The following TBCD variants were observed in gnomAD, a reference collection of about 807,000 sequenced individuals.
TBCD encodes tubulin-specific chaperone D.
In TBCD, 105 loss-of-function variants were observed where a neutral mutation model predicts 169.3. The ratio of observed to expected loss-of-function variants is 0.62; its 90% CI spans 0.53 to 0.73. The LOEUF (loss-of-function observed/expected upper bound fraction) is 0.73, where lower values mean the gene tolerates loss of function less well. TBCD is among the 30% of genes least tolerant of loss of function. The pLI is 0.00. For synonymous variants in TBCD, 700 were observed against 643.9 expected, an observed-to-expected ratio of 1.09 and a Z score of -1.32; for missense variants, 1,444 against 1,600.1, an observed-to-expected ratio of 0.90 and a Z score of 1.66.
At chr17:82,860,567 A>C in intron 13 of TBCD, 1 of 518,964 alleles carries the variant, frequency 1.9e-6, no homozygotes, top group Non-Finnish European at 2.5e-6. Flanking sequence ...GAACCTGAGG[A>C]GGGCTGGCCA....
At position 82,831,585 on chromosome 17, in the gene TBCD, CG is replaced by C. The variant is rs1567853247; in HGVS notation, c.1318+16653del. The C allele has an allele frequency of 6.2e-7, 1 of 1,614,056 alleles. No homozygotes were observed. Among genetic ancestry groups the C allele is most frequent in the Non-Finnish European group, 8.5e-7 (1 of 1,180,006 alleles). On this transcript the variant is annotated intron_variant, in intron 13 of 38. Transcript: ENST00000355528. This position sits in a 1 kb window ranked among gnomAD's most constrained non-coding sequence, Gnocchi z 4.6. ...GAGATGGAGCCAGGTGCTTAGGGAT[CG>C]GCCCCGGGTGAGGCAGGAAGTGTCT...
Position 82,926,472 on chromosome 17 carries a change from G to T in TBCD, c.2452G>T (p.Gly818Cys), listed in dbSNP as rs199984036. Residue 818 changes from glycine (G) to cysteine (C), a missense_variant, in exon 28 of 39, where the codon GGC becomes TGC. Coordinates refer to ENST00000355528, the MANE Select transcript of TBCD (RefSeq NM_005993.5). ...DVSFAESRRD[G>C]LKAIARICQT... Reference sequence around the variant, plus strand: ...AAGTTTTGCTGAGTCCAGGAGAGACGGCTTGAAGGCCATTGCGAGGTGAGT... The same window carrying T: ...AAGTTTTGCTGAGTCCAGGAGAGACTGCTTGAAGGCCATTGCGAGGTGAGT... 1 of 1,613,922 alleles carries T rather than the reference G, an allele frequency of 6.2e-7. No homozygotes were observed. Among genetic ancestry groups the T allele is most frequent in the Non-Finnish European group, 8.5e-7 (1 of 1,179,856 alleles).
Position 82,926,403 on chromosome 17 carries a change from C to G in TBCD, c.2383C>G (p.Leu795Val), listed in dbSNP as rs763230182. The part of the protein sequence containing the change: ...FLLKGRLQQV[L>V]TGLRAVTHTS... ...GTGATTCTTTATTGCTTTCCAGGTT[C>G]TCACAGGTTTAAGAGCAGTTACCCA... The change falls in exon 28 of 39, where the codon CTC becomes GTC. Residue 795 changes from leucine (L) to valine (V), a missense_variant. Coordinates refer to ENST00000355528, the MANE Select transcript of TBCD (RefSeq NM_005993.5). The G allele has an allele frequency of 6.2e-7, 1 of 1,613,872 alleles. No homozygotes were observed. The highest frequency in any genetic ancestry group is 2.2e-5 in the East Asian group (1 of 44,884).
chr17:82,874,921 C>G lies in TBCD; in HGVS notation c.1475+4541C>G, dbSNP rs889138689. Reference sequence around the variant, plus strand: ...ACAAGTTCTTCGGTGGGTCCTGTAACAGTGGGTGCTTGGGATCAGAGCATC... The same window carrying G: ...ACAAGTTCTTCGGTGGGTCCTGTAAGAGTGGGTGCTTGGGATCAGAGCATC... On this transcript the variant is annotated intron_variant, in intron 14 of 38. Coordinates refer to ENST00000355528, the MANE Select transcript of TBCD (RefSeq NM_005993.5). The surrounding 1 kb of genome is among the most constrained non-coding windows in gnomAD (Gnocchi z 5.0). Among the ~76,000 whole-genome samples the G allele has an allele frequency of 6.6e-6, 1 of 152,208 alleles. No homozygotes were observed. Among genetic ancestry groups the G allele is most frequent in the African/African-American group, 2.4e-5 (1 of 41,456 alleles).
rs564871737 is a variant in TBCD, at chr17:82,921,488, G to T, written c.2102-13G>T. ...TTTGATTGCCTGGGTACGCTAACTT[G>T]ATTTTTTGACAGATGGTTGGCAATG... On this transcript the variant is annotated splice_polypyrimidine_tract_variant and intron_variant, in intron 24 of 38. Transcript: ENST00000355528. 5.6e-6 allele frequency: 9 copies of T among 1,613,588 alleles called. No homozygotes were observed. The highest frequency in any genetic ancestry group is 5.9e-6 in the Non-Finnish European group (7 of 1,179,622).
Position 82,756,999 on chromosome 17 carries a change from TTTTC to T in TBCD, c.235+788_235+791del, listed in dbSNP as rs1334029737. ...GTGTAAGGGGTGTGGTTTCTTATTG[TTTTC>T]TTTATTTTTGATGTATTTCACACTG... On this transcript the variant is annotated intron_variant, in intron 2 of 38. Transcript: ENST00000355528. 5.3e-5 allele frequency among the ~76,000 whole-genome samples: 8 copies of T among 152,172 alleles called. 1 individual carries two copies. The South Asian group carries it at 6.2e-4, about 12-fold the overall frequency.
At chr17:82,773,083 G>C (rs1021185781) in intron 6 of TBCD, among the ~76,000 whole-genome samples, 4 of 152,332 alleles carry the variant, frequency 2.6e-5, no homozygotes, top group African/African-American at 9.6e-5. Flanking sequence ...TATTTTACAT[G>C]ACATGTGATT....
At position 82,917,354 on chromosome 17, in the gene TBCD, G is replaced by T. The variant is rs1326652781; in HGVS notation, c.2039-3202G>T. Among the ~76,000 whole-genome samples the T allele has an allele frequency of 2.0e-5, 3 of 152,118 alleles. No individual in the cohort carries two copies. The East Asian group carries it at 5.8e-4, about 29-fold the overall frequency. On this transcript the variant is annotated intron_variant, in intron 23 of 38. Coordinates refer to ENST00000355528, the MANE Select transcript of TBCD (RefSeq NM_005993.5). ...AAATTCTTTCAGGTGTGCCTTATCTGCCGTTAAACGCATCCTTGAATTTTT... is the reference window on the plus strand; with the variant it reads ...AAATTCTTTCAGGTGTGCCTTATCTTCCGTTAAACGCATCCTTGAATTTTT...
Position 82,938,044 on chromosome 17 carries a change from G to C in TBCD, c.3282-5G>C, listed in dbSNP as rs372010263. ...TCACCTGGAGCCATGTGCTGCTCCC[G>C]GCAGGTTCTGCGAGATGGTGCAGTT... On this transcript the variant is annotated splice_polypyrimidine_tract_variant and splice_region_variant and intron_variant, in intron 35 of 38. Transcript: ENST00000355528. 1 of 1,612,812 alleles carries C rather than the reference G, an allele frequency of 6.2e-7. No homozygotes were observed. The highest frequency in any genetic ancestry group is 1.1e-5 in the South Asian group (1 of 91,064).
chr17:82,881,944 C>T (rs566022807), intron 14 of TBCD, among the ~76,000 whole-genome samples: 1 of 152,128 alleles, frequency 6.6e-6, no homozygotes, highest in East Asian at 1.9e-4. Context: ...CTCCCTCCCT[C>T]CTAGGCAGAG....
rs2146946856 is a variant in TBCD at position 82,911,751 on chromosome 17, T to C, written c.2007-7T>C. ...CTTCTAATTCTGATGTTTTCATTCC[T>C]TTTCAGGGGTCTGGGAGGACAGCTC... On this transcript the variant is annotated splice_region_variant and splice_polypyrimidine_tract_variant and intron_variant, in intron 22 of 38. Transcript: ENST00000355528. 6 of 1,613,744 alleles carry C rather than the reference T, an allele frequency of 3.7e-6. No individual in the cohort carries two copies. The highest frequency in any genetic ancestry group is 5.1e-6 in the Non-Finnish European group (6 of 1,179,750).
At chr17:82,931,921 ACT>A (rs1304116684) in intron 33 of TBCD, 3 of 151,880 alleles carry the variant, frequency 2.0e-5, no homozygotes, top group Non-Finnish European at 2.9e-5. Context: ...GTCTGAGGTC[ACT>A]CTCACTGGCG....
rs71168175 is a variant in TBCD, at chr17:82,940,221, G to GCA, written c.3479+769_3479+770dup. Among the ~76,000 whole-genome samples, 866 of 131,776 alleles carry GCA rather than the reference G, an allele frequency of 6.6e-3. 1 individual carries two copies. The highest frequency in any genetic ancestry group is 0.013 in the South Asian group (54 of 4,138). 86.5% of individuals were successfully genotyped at this position (131,776 alleles called of 152,430 possible). A position where few individuals can be genotyped will look rare whatever the true frequency, so the allele number is the denominator to read the frequency against. On this transcript the variant is annotated intron_variant, in intron 37 of 38. Transcript: ENST00000355528. ...CACACACATGCTCACTTGCACGCGC[G>GCA]CACACACACACACACACACACACAC...
intron 36 of TBCD, among the ~76,000 whole-genome samples, chr17:82,938,459 T>C (rs1188995331): frequency 6.6e-6 from 1 of 152,180 alleles, no homozygotes; most frequent in Non-Finnish European, 1.5e-5. Context: ...GTGCCCTTCA[T>C]CCCCAGCACT....
intron 2 of TBCD, 76 bp downstream of exon 2, chr17:82,756,291 A>C: frequency 3.5e-6 from 5 of 1,421,724 alleles, no homozygotes; most frequent in Non-Finnish European, 3.9e-6. Flanking sequence ...GTGCTGGCAC[A>C]TGCATGTGCT....
chr17:82,939,316 G>A, intron 36 of TBCD, 51 bp from the exon 37 acceptor site: 1 of 1,461,664 alleles, frequency 6.8e-7, no homozygotes, highest in Non-Finnish European at 9.4e-7. Context: ...GTCTCTCCGG[G>A]GTGGGGCGGT....
rs1026413000 is a variant in TBCD, at chr17:82,880,863, C to T, written c.1476-3282C>T. 5.9e-5 allele frequency among the ~76,000 whole-genome samples: 9 copies of T among 152,076 alleles called. No individual in the cohort carries two copies. The highest frequency in any genetic ancestry group is 2.2e-4 in the African/African-American group (9 of 41,412). On this transcript the variant is annotated intron_variant, in intron 14 of 38. Transcript: ENST00000355528. This position sits in a 1 kb window ranked among gnomAD's most constrained non-coding sequence, Gnocchi z 5.0. ...GGTGCAGAGCGTGGTGGTTTGTGGC[C>T]ATCCTTGCAGTGTGAGTGAGCAAGT...
chr17:82,805,153 G>A (rs1044859190), intron 9 of TBCD, among the ~76,000 whole-genome samples: 10 of 152,264 alleles, frequency 6.6e-5, no homozygotes, highest in African/African-American at 9.6e-5. Flanking sequence ...TGGGCTGCAC[G>A]CCGAGCGCAG....
intron 13 of TBCD, among the ~76,000 whole-genome samples, chr17:82,862,587 G>C (rs2056857458): frequency 6.6e-6 from 1 of 152,192 alleles, no homozygotes; most frequent in South Asian, 2.1e-4. Context: ...TGGGTTCTCA[G>C]TGTCTGTATT....
Sources: allele counts gnomAD v4.1 joint callset (sites outside exome capture counted in the v4.1 genomes callset), GRCh38; gene constraint gnomAD v4.1.1; non-coding constraint Gnocchi (gnomAD v3.1); transcripts MANE v1.5; gene names NCBI Gene and HGNC (gene_info 2026-07-23, HGNC 2026-07-21).